The following SNX13 variants were observed in gnomAD, a reference collection of about 807,000 sequenced individuals.
SNX13 encodes the protein sorting nexin 13, also known as sorting nexin-13.
A neutral mutation model predicts 133.6 loss-of-function variants in SNX13; 45 were observed. That is an observed-to-expected ratio of 0.34 (90% CI 0.27 to 0.43). The LOEUF (loss-of-function observed/expected upper bound fraction) is 0.43, where lower values mean the gene tolerates loss of function less well. SNX13 is among the 20% of genes least tolerant of loss of function. The pLI is 1.00. For synonymous variants in SNX13, 414 were observed against 373.9 expected (o/e 1.11, Z -1.24); for missense variants, 1,032 against 1,145.1 (o/e 0.90, Z 1.43).
At chr7:17,892,624 C>A (rs1195609914) in intron 3 of SNX13, among the ~76,000 whole-genome samples, 3 of 151,708 alleles carry the variant, frequency 2.0e-5, no homozygotes, top group Admixed American at 1.3e-4. Context: ...GAGTGAAATT[C>A]TTTTATTAAT....
At chr7:17,928,325 T>A (rs1274325916) in intron 1 of SNX13, among the ~76,000 whole-genome samples, 1 of 152,026 alleles carries the variant, frequency 6.6e-6, no homozygotes, top group Non-Finnish European at 1.5e-5. Flanking sequence ...CAAGACCCCA[T>A]CTCTAAAAAA....
rs1794660820 is a variant in SNX13 at position 17,875,755 on chromosome 7, GT to G, written c.475del (p.Thr159HisfsTer4). ...KEIDWQPYFT[T>X]RIVDDFGTHL... ...TGTGCCAAAGTCATCTACAATGCGT[GT>G]AGTAAAATAAGGTTGCCAGTCTATT... On this transcript the variant is annotated frameshift_variant, in exon 6 of 26. Coordinates refer to ENST00000428135, the MANE Select transcript of SNX13 (RefSeq NM_015132.5). LOFTEE classifies it high-confidence loss of function. The G allele has an allele frequency of 6.2e-7, 1 of 1,609,352 alleles. No individual in the cohort carries two copies. The highest frequency in any genetic ancestry group is 8.5e-7 in the Non-Finnish European group (1 of 1,177,140).
intron 1 of SNX13, among the ~76,000 whole-genome samples, chr7:17,901,784 T>G (rs150055164): frequency 1.3e-3 from 196 of 152,310 alleles, no homozygotes; most frequent in African/African-American, 4.6e-3. Context: ...GATCAGTCCC[T>G]GATTTTTGGT....
chr7:17,893,966 T>C (rs1342115711), intron 2 of SNX13, among the ~76,000 whole-genome samples: 1 of 103,338 alleles, frequency 9.7e-6, no homozygotes, highest in Non-Finnish European at 1.8e-5. Context: ...ATCAAGACTG[T>C]CTCGAAAAAA....
At chr7:17,840,026 A>G (rs747481871) in intron 12 of SNX13, 26 bp from the exon 13 acceptor site, 11 of 1,590,964 alleles carry the variant, frequency 6.9e-6, no homozygotes, top group Non-Finnish European at 9.4e-6. Flanking sequence ...CCATAATAAC[A>G]TAAATATTAG....
rs551928493 is a variant in SNX13, at chr7:17,882,834, G to C, written c.441-7044C>G. ...AGAATTTAAATTACATATTCTAGGA[G>C]ACACAGTGAGACCAAGGTTTTGTTA... On this transcript the variant is annotated intron_variant, in intron 5 of 25. Transcript: ENST00000428135. 5 of 1,277,180 alleles carry C rather than the reference G, an allele frequency of 3.9e-6. No homozygotes were observed. The South Asian group carries it at 6.5e-5, about 16-fold the overall frequency. 79.1% of individuals were successfully genotyped at this position (1,277,180 alleles called of 1,614,324 possible). A position where few individuals can be genotyped will look rare whatever the true frequency, so the allele number is the denominator to read the frequency against.
At chr7:17,813,128 A>G (rs751257341) in intron 20 of SNX13, among the ~76,000 whole-genome samples, 6 of 151,918 alleles carry the variant, frequency 3.9e-5, no homozygotes, top group Non-Finnish European at 8.8e-5. Context: ...ATAAAAAATG[A>G]AAAAAAAGTG....
chr7:17,846,115 GA>G (rs1043779130), intron 11 of SNX13, among the ~76,000 whole-genome samples: 2 of 151,950 alleles, frequency 1.3e-5, no homozygotes, highest in African/African-American at 4.8e-5. Flanking sequence ...TATGCCTAAA[GA>G]GTAATTTTGC....
intron 9 of SNX13, among the ~76,000 whole-genome samples, chr7:17,867,760 A>C (rs1793577381): frequency 6.6e-6 from 1 of 152,186 alleles, no homozygotes; most frequent in African/African-American, 2.4e-5. Context: ...TCCCAGATTT[A>C]AGAAAATAAA....
At chr7:17,876,514 A>G (rs189060756) in intron 5 of SNX13, among the ~76,000 whole-genome samples, 212 of 150,800 alleles carry the variant, frequency 1.4e-3, no homozygotes, top group South Asian at 3.1e-3. Flanking sequence ...CAGGAGGTCA[A>G]CGCTGCAGTG....
chr7:17,864,086 G>T (rs1793077625), intron 9 of SNX13, among the ~76,000 whole-genome samples: 2 of 152,104 alleles, frequency 1.3e-5, no homozygotes, highest in East Asian at 3.9e-4. Flanking sequence ...CCCAGATTGA[G>T]AAGATTAAAA....
At chr7:17,805,254 TGC>T (rs56000068) in intron 20 of SNX13, among the ~76,000 whole-genome samples, 58 of 132,524 alleles carry the variant, frequency 4.4e-4, no homozygotes, top group African/African-American at 1.3e-3. Context: ...TGTGTGTGCG[TGC>T]GCGCGCGCGC....
intron 13 of SNX13, among the ~76,000 whole-genome samples, chr7:17,837,084 A>G (rs1296639751): frequency 6.6e-6 from 1 of 151,828 alleles, no homozygotes; most frequent in Admixed American, 6.6e-5. Flanking sequence ...CCCACCTCAC[A>G]CTTATTTCTT....
chr7:17,815,725 T>A (rs114910395), intron 19 of SNX13, among the ~76,000 whole-genome samples: 452 of 152,348 alleles, frequency 3.0e-3, no homozygotes, highest in African/African-American at 0.01. Flanking sequence ...TCTAGCTTGG[T>A]TCCTTCAATG....
At chr7:17,828,986 T>C (rs917621145) in intron 16 of SNX13, among the ~76,000 whole-genome samples, 8 of 151,574 alleles carry the variant, frequency 5.3e-5, no homozygotes, top group East Asian at 1.9e-4. Context: ...CTCTGGACTA[T>C]AACAAGTAAA....
At chr7:17,923,383 A>G (rs1410716050) in intron 1 of SNX13, among the ~76,000 whole-genome samples, 1 of 152,200 alleles carries the variant, frequency 6.6e-6, no homozygotes, top group African/African-American at 2.4e-5. Flanking sequence ...AACTTTTAAA[A>G]CCCCTCAATG....
chr7:17,925,205 C>T (rs984586084), intron 1 of SNX13, among the ~76,000 whole-genome samples: 1 of 152,066 alleles, frequency 6.6e-6, no homozygotes, highest in Non-Finnish European at 1.5e-5. Flanking sequence ...AAAAGTGAGA[C>T]TCCGTCTCAA....
intron 2 of SNX13, among the ~76,000 whole-genome samples, chr7:17,896,958 A>T (rs567740577): frequency 6.6e-6 from 1 of 152,160 alleles, no homozygotes; most frequent in Non-Finnish European, 1.5e-5. Context: ...CACAATTTCT[A>T]TAATGTAAAA....
At chr7:17,833,118 G>C (rs1042947833) in intron 15 of SNX13, among the ~76,000 whole-genome samples, 2 of 151,398 alleles carry the variant, frequency 1.3e-5, no homozygotes, top group African/African-American at 4.8e-5. Flanking sequence ...TCATTCACTT[G>C]GTAGAACATA....
Sources: allele counts gnomAD v4.1 joint callset (sites outside exome capture counted in the v4.1 genomes callset), GRCh38; gene constraint gnomAD v4.1.1; transcripts MANE v1.5; gene names NCBI Gene and HGNC (gene_info 2026-07-23, HGNC 2026-07-21).